The following CNBD1 variants were observed in gnomAD, a reference collection of about 807,000 sequenced individuals.
CNBD1 encodes cyclic nucleotide-binding domain-containing protein 1.
In CNBD1, 71 loss-of-function variants were observed where a neutral mutation model predicts 54.4. The observed-to-expected ratio is 1.30, with a 90% CI of 1.08 to 1.59. The LOEUF is 1.59. Among genes scored for constraint, CNBD1 ranks in the 40% most tolerant of loss-of-function variants. The probability of loss-of-function intolerance (pLI) is 0.00; values close to 1 mark genes in which losing one functional copy is unlikely to be tolerated. For missense variants in CNBD1, 659 were observed against 518.0 expected, an observed-to-expected ratio of 1.27 and a Z score of -2.64; for synonymous variants, 182 against 170.7, an observed-to-expected ratio of 1.07 and a Z score of -0.51.
chr8:87,041,341 G>T (rs1810063778), intron 4 of CNBD1, among the ~76,000 whole-genome samples: 1 of 152,236 alleles, frequency 6.6e-6, no homozygotes, highest in African/African-American at 2.4e-5. Context: ...GGGGGTTGTG[G>T]TGCAGAACTA....
Position 87,032,852 on chromosome 8 carries a change from C to G in CNBD1, c.431+93098C>G, listed in dbSNP as rs189252889. On this transcript the variant is annotated intron_variant, in intron 4 of 10. Coordinates refer to ENST00000518476, the MANE Select transcript of CNBD1 (RefSeq NM_173538.3). ...TTTTCTGGCACTGCTTCTTTTACAT[C>G]TTCCTCATTGTCACTGATTTGGAAG... is the stretch of plus-strand genomic sequence containing the variant. Among the ~76,000 whole-genome samples, 16 of 152,286 alleles carry G rather than the reference C, an allele frequency of 1.1e-4. 1 individual carries two copies. Among genetic ancestry groups the G allele is most frequent in the Admixed American group, 8.5e-4 (13 of 15,292 alleles).
chr8:87,069,766 G>A (rs2130650428), intron 4 of CNBD1, among the ~76,000 whole-genome samples: 1 of 152,080 alleles, frequency 6.6e-6, no homozygotes, highest in Middle Eastern at 3.4e-3. Context: ...CTGTAATTTA[G>A]CATTTTAGTT....
At chr8:87,310,216 G>A (rs913444961) in intron 8 of CNBD1, among the ~76,000 whole-genome samples, 11 of 151,992 alleles carry the variant, frequency 7.2e-5, no homozygotes, top group Admixed American at 6.6e-4. Flanking sequence ...AATTAGCTTG[G>A]TGTGGTGGCA....
chr8:87,078,530 T>A (rs1288360229), intron 4 of CNBD1, among the ~76,000 whole-genome samples: 1 of 152,170 alleles, frequency 6.6e-6, no homozygotes, highest in African/African-American at 2.4e-5. Context: ...ATAAACATTA[T>A]TTGTTTGAGG....
intron 5 of CNBD1, among the ~76,000 whole-genome samples, chr8:87,222,225 A>AG (rs1451127433): frequency 1.3e-5 from 2 of 152,152 alleles, no homozygotes; most frequent in Admixed American, 1.3e-4. Context: ...GGAAAAAAAA[A>AG]GAGTTGATCT....
chr8:87,053,171 C>T (rs1563450734), intron 4 of CNBD1, among the ~76,000 whole-genome samples: 1 of 152,166 alleles, frequency 6.6e-6, no homozygotes, highest in Non-Finnish European at 1.5e-5. Context: ...GCAATGCTTA[C>T]AAAGATTTGG....
At chr8:87,330,890 A>T (rs895142463) in intron 8 of CNBD1, among the ~76,000 whole-genome samples, 1 of 152,204 alleles carries the variant, frequency 6.6e-6, no homozygotes, top group Admixed American at 6.5e-5. Flanking sequence ...AATATTAGAT[A>T]TAAATTAGGT....
rs1353521824 is a variant in CNBD1 at position 87,286,515 on chromosome 8, T to C, written c.910-24T>C. ...ATTTTAAATTGCCTGTTATTAAAAA[T>C]TTGATAATGACATTCTGTTTTAGGA... On this transcript the variant is annotated intron_variant, in intron 7 of 10. Transcript: ENST00000518476. 3 of 1,310,836 alleles carry C rather than the reference T, an allele frequency of 2.3e-6. No homozygotes were observed. In the East Asian group the frequency reaches 7.4e-5, roughly 32 times the overall value. 81.2% of individuals were successfully genotyped at this position (1,310,836 alleles called of 1,614,324 possible).
chr8:87,105,128 GT>G (rs146004690), intron 4 of CNBD1, among the ~76,000 whole-genome samples: 1 of 151,852 alleles, frequency 6.6e-6, no homozygotes. Flanking sequence ...GAGGAGATGG[GT>G]TTTTTTTAAT....
At chr8:87,096,365 A>G (rs1418389152) in intron 4 of CNBD1, among the ~76,000 whole-genome samples, 1 of 129,200 alleles carries the variant, frequency 7.7e-6, no homozygotes, top group African/African-American at 3.1e-5. Flanking sequence ...TTTTTTTTTT[A>G]ATAAGAACAC....
At chr8:87,138,059 A>T (rs543546276) in intron 4 of CNBD1, among the ~76,000 whole-genome samples, 4 of 152,174 alleles carry the variant, frequency 2.6e-5, no homozygotes, top group African/African-American at 4.8e-5. Context: ...TAAAATGTCA[A>T]TTCTTTTCCC....
At chr8:87,411,253 G>C (rs1002933922) in intron 2 of CNBD1, among the ~76,000 whole-genome samples, 1 of 151,508 alleles carries the variant, frequency 6.6e-6, no homozygotes, top group Non-Finnish European at 1.5e-5. Flanking sequence ...GCATATAGTT[G>C]AAGCTAAACA....
chr8:86,952,068 A>G (rs982751720), intron 4 of CNBD1, among the ~76,000 whole-genome samples: 2 of 152,198 alleles, frequency 1.3e-5, no homozygotes, highest in Admixed American at 1.3e-4. Flanking sequence ...TCAAAATAAT[A>G]TAACCATTTG....
chr8:86,895,237 C>G lies in CNBD1; in HGVS notation c.158+7626C>G, dbSNP rs116515662. On this transcript the variant is annotated intron_variant, in intron 2 of 10. Coordinates refer to ENST00000518476, the MANE Select transcript of CNBD1 (RefSeq NM_173538.3). ...ACAATATGTATTTAAATTTTTTTCT[C>G]TGTGTGTGTGTGCATGGTGTGTGTG... Among the ~76,000 whole-genome samples the G allele has an allele frequency of 9.2e-3, 1,345 of 145,640 alleles. 29 individuals carry two copies. Among genetic ancestry groups the G allele is most frequent in the African/African-American group, 0.032 (1,261 of 39,318 alleles).
intron 1 of CNBD1, among the ~76,000 whole-genome samples, chr8:86,873,005 T>G (rs1221475004): frequency 2.0e-5 from 3 of 152,084 alleles, no homozygotes; most frequent in Admixed American, 2.0e-4. Flanking sequence ...GCCCAGGAAT[T>G]TGAGGTGAAT....
intron 2 of CNBD1, among the ~76,000 whole-genome samples, chr8:87,415,933 C>T (rs1318319821): frequency 6.6e-6 from 1 of 151,480 alleles, no homozygotes; most frequent in Non-Finnish European, 1.5e-5. Context: ...AAACAAATGA[C>T]ATAAAAATAT....
intron 6 of CNBD1, among the ~76,000 whole-genome samples, chr8:87,269,620 G>T (rs899925590): frequency 9.2e-5 from 14 of 151,980 alleles, no homozygotes; most frequent in Non-Finnish European, 1.6e-4. Flanking sequence ...AATTCTCATT[G>T]TGAAGATCTT....
chr8:87,061,868 G>A (rs1023829040), intron 4 of CNBD1, among the ~76,000 whole-genome samples: 7 of 152,190 alleles, frequency 4.6e-5, no homozygotes, highest in African/African-American at 1.2e-4. Flanking sequence ...CTCTGCAGGC[G>A]TCTCCATAAT....
intron 10 of CNBD1, among the ~76,000 whole-genome samples, chr8:87,359,161 C>A (rs1367270022): frequency 6.6e-6 from 1 of 152,132 alleles, no homozygotes; most frequent in East Asian, 1.9e-4. Context: ...TGTCATCTGG[C>A]AGCCTAACAT....
Sources: gnomAD v4.1 joint callset for allele counts (sites outside exome capture counted in the v4.1 genomes callset) on GRCh38, gnomAD v4.1.1 for gene constraint, MANE v1.5 for transcripts, NCBI Gene and HGNC (gene_info 2026-07-23, HGNC 2026-07-21) for gene names.